The following CYTH3 variants were observed in gnomAD, a reference collection of about 807,000 sequenced individuals.
The protein encoded by CYTH3 is cytohesin 3.
A neutral mutation model predicts 55.1 loss-of-function variants in CYTH3; 23 were observed. That is an observed-to-expected ratio of 0.42 (90% CI 0.30 to 0.59). The LOEUF (loss-of-function observed/expected upper bound fraction) is 0.59. Among genes scored for constraint, CYTH3 ranks in the 20% least tolerant of loss-of-function variants. The pLI is 0.20. For missense variants in CYTH3, 413 were observed against 524.8 expected (o/e 0.79, Z 2.08); for synonymous variants, 249 against 194.9 (o/e 1.28, Z -2.31).
At chr7:6,226,641 G>C (rs1022384688) in intron 1 of CYTH3, among the ~76,000 whole-genome samples, 3 of 152,094 alleles carry the variant, frequency 2.0e-5, no homozygotes, top group African/African-American at 7.3e-5. Context: ...CGTGTTGTGA[G>C]TATTTGTATT....
At chr7:6,219,163 A>T (rs962090143) in intron 1 of CYTH3, among the ~76,000 whole-genome samples, 3 of 136,628 alleles carry the variant, frequency 2.2e-5, no homozygotes, top group Admixed American at 7.5e-5. Context: ...GGACTCAAAG[A>T]AATGAGCCAC....
chr7:6,173,085 T>A, intron 6 of CYTH3: 1 of 1,056,524 alleles, frequency 9.5e-7, no homozygotes, highest in Non-Finnish European at 1.2e-6. Context: ...TGGCTCAGGG[T>A]CAAGGCCCAG....
intron 1 of CYTH3, 96 bp downstream of exon 1, chr7:6,272,378 T>G: frequency 1.8e-6 from 2 of 1,133,242 alleles, no homozygotes; most frequent in Non-Finnish European, 2.2e-6. Context: ...CCCCGTCTCC[T>G]CCGGCGAACC....
chr7:6,193,684 G>T (rs1783856285), intron 1 of CYTH3, among the ~76,000 whole-genome samples: 1 of 152,152 alleles, frequency 6.6e-6, no homozygotes, highest in Non-Finnish European at 1.5e-5. Flanking sequence ...AAAATAAGGA[G>T]AACTGGTTGA....
chr7:6,244,301 C>G (rs1430666837), intron 1 of CYTH3, among the ~76,000 whole-genome samples: 1 of 152,192 alleles, frequency 6.6e-6, no homozygotes, highest in African/African-American at 2.4e-5. Flanking sequence ...CGTAACTCAA[C>G]TTCGTGGCAA....
At chr7:6,246,159 C>T (rs560374664) in intron 1 of CYTH3, among the ~76,000 whole-genome samples, 5 of 151,860 alleles carry the variant, frequency 3.3e-5, no homozygotes, top group Non-Finnish European at 5.9e-5. Flanking sequence ...CAGCTCACTG[C>T]GGCCTCAAAC....
intron 1 of CYTH3, among the ~76,000 whole-genome samples, chr7:6,262,706 G>C (rs1418957551): frequency 6.6e-6 from 1 of 152,114 alleles, no homozygotes; most frequent in Non-Finnish European, 1.5e-5. Context: ...ATTAAAAACT[G>C]CAATAAATTA....
chr7:6,177,746 A>G, intron 5 of CYTH3, 77 bp downstream of exon 5: 3 of 1,163,726 alleles, frequency 2.6e-6, no homozygotes, highest in Non-Finnish European at 3.8e-6. Context: ...GATGGCCCCG[A>G]AAGTGGAGCG....
intron 1 of CYTH3, among the ~76,000 whole-genome samples, chr7:6,205,842 C>T (rs1455879646): frequency 8.4e-6 from 1 of 118,766 alleles, no homozygotes; most frequent in African/African-American, 3.3e-5. Flanking sequence ...CCACTGCACT[C>T]TAACCTGGGT....
chr7:6,182,073 GT>G (rs1783517217), intron 4 of CYTH3, among the ~76,000 whole-genome samples: 1 of 151,932 alleles, frequency 6.6e-6, no homozygotes, highest in African/African-American at 2.4e-5. Flanking sequence ...TTGAGACAGA[GT>G]TTTGCTCTTA....
rs183747583 is a variant in CYTH3, at chr7:6,201,569, C to T, written c.35-11038G>A. ...ATAAGTTCAATCAAGAGAAGGGATC[C>T]AGTACAGGAGGTGTGAGCATCAAGA... On this transcript the variant is annotated intron_variant, in intron 1 of 12. Transcript: ENST00000350796. Among the ~76,000 whole-genome samples, 55 of 152,158 alleles carry T rather than the reference C, an allele frequency of 3.6e-4. 1 individual carries two copies. Among genetic ancestry groups the T allele is most frequent in the Admixed American group, 1.8e-3 (27 of 15,276 alleles).
chr7:6,194,912 T>C (rs548397157), intron 1 of CYTH3, among the ~76,000 whole-genome samples: 1 of 152,166 alleles, frequency 6.6e-6, no homozygotes, highest in African/African-American at 2.4e-5. Context: ...GAGGTGGAAG[T>C]TGCAGTGAGC....
In CYTH3 at chr7:6,187,756, G is replaced by C. The variant is rs757863861; in HGVS notation, c.118-35C>G. ...AAGAAGAATTTCGAGGTGGGGAGTG[G>C]GTCTTAACCTTCCTCCCCTGAGACT... On this transcript the variant is annotated intron_variant, in intron 2 of 12. Coordinates refer to ENST00000350796, the MANE Select transcript of CYTH3 (RefSeq NM_004227.4). 18 of 1,568,230 alleles carry C rather than the reference G, an allele frequency of 1.1e-5. No homozygotes were observed. In the Middle Eastern group the frequency reaches 8.4e-4, roughly 73 times the overall value.
intron 1 of CYTH3, among the ~76,000 whole-genome samples, chr7:6,191,313 C>T (rs1037195904): frequency 1.3e-5 from 2 of 151,908 alleles, no homozygotes; most frequent in Admixed American, 6.6e-5. Flanking sequence ...ATAAATAAAT[C>T]AACATAGACA....
intron 6 of CYTH3, chr7:6,172,713 C>T: frequency 8.8e-7 from 1 of 1,131,072 alleles, no homozygotes; most frequent in Non-Finnish European, 1.1e-6. Flanking sequence ...CCGCACCAGA[C>T]ACCCCTCCCA....
intron 4 of CYTH3, among the ~76,000 whole-genome samples, chr7:6,180,307 A>G (rs552712531): frequency 7.4e-4 from 112 of 152,330 alleles, no homozygotes; most frequent in Non-Finnish European, 1.3e-3. Context: ...AGAACACACA[A>G]AACACTGACA....
rs1287732241 is a variant in CYTH3 at position 6,163,609 on chromosome 7, T to TC, written c.*1334dup. 6.6e-6 allele frequency: 1 copy of TC among 152,252 alleles called. No individual in the cohort carries two copies. Among genetic ancestry groups the TC allele is most frequent in the African/African-American group, 2.4e-5 (1 of 41,430 alleles). 9.4% of individuals were successfully genotyped at this position (152,252 alleles called of 1,614,324 possible). A position where few individuals can be genotyped will look rare whatever the true frequency, so the allele number is the denominator to read the frequency against. On this transcript the variant is annotated 3_prime_UTR_variant, in exon 13 of 13. Coordinates refer to ENST00000350796, the MANE Select transcript of CYTH3 (RefSeq NM_004227.4). ...GCACTGGGCACCTCCTATCCTTACA[T>TC]CCACAGCAACCTGACAACCTCCCAG...
Position 6,165,767 on chromosome 7 carries a change from G to T in CYTH3, c.867C>A (p.Thr289=), listed in dbSNP as rs552487948. The T allele has an allele frequency of 4.3e-5, 70 of 1,613,966 alleles. No individual in the cohort carries two copies. Among genetic ancestry groups the T allele is most frequent in the Non-Finnish European group, 5.8e-5 (68 of 1,179,994 alleles). The change falls in exon 10 of 13, where the codon ACC becomes ACA. Residue 289 remains threonine, a synonymous_variant. Transcript: ENST00000350796. The part of the protein sequence containing the change: ...KTWKRRWFIL[T]DNCLYYFEYT... ...ATTCAAAGTAATAGAGGCAGTTATC[G>T]GTCAGGATGAACCACCGGCGCTTCC...
intron 1 of CYTH3, among the ~76,000 whole-genome samples, chr7:6,259,756 ATTATATATATATATATT>A (rs1780241727): frequency 8.2e-5 from 1 of 12,248 alleles, no homozygotes; most frequent in Non-Finnish European, 1.6e-4. Flanking sequence ...ATATATATAT[ATTATATATATATATATT>A]ATATATATAT....
Sources: allele counts gnomAD v4.1 joint callset (sites outside exome capture counted in the v4.1 genomes callset), GRCh38; gene constraint gnomAD v4.1.1; transcripts MANE v1.5; gene names NCBI Gene and HGNC (gene_info 2026-07-23, HGNC 2026-07-21).